The following CHCHD3 variants were observed in gnomAD, a reference collection of about 807,000 sequenced individuals.
CHCHD3 encodes coiled-coil-helix-coiled-coil-helix domain containing 3.
CHCHD3 carries 20 observed loss-of-function variants against 38.2 expected under a neutral mutation model. The observed-to-expected ratio is 0.52, with a 90% CI of 0.37 to 0.76. The LOEUF (loss-of-function observed/expected upper bound fraction) is 0.76, where lower values mean the gene tolerates loss of function less well. CHCHD3 is among the 30% of genes least tolerant of loss of function. The pLI is 0.00. For synonymous variants in CHCHD3, 82 were observed against 100.0 expected, an observed-to-expected ratio of 0.82 and a Z score of 1.07; for missense variants, 245 against 279.2, an observed-to-expected ratio of 0.88 and a Z score of 0.87.
chr7:132,973,677 C>A (rs1238125290), intron 4 of CHCHD3: 2 of 1,025,086 alleles, frequency 2.0e-6, no homozygotes, highest in South Asian at 3.7e-5. Context: ...ACTGAAGAAA[C>A]TGATTCATTA....
rs572343885 is a variant in CHCHD3 at position 132,980,532 on chromosome 7, T to C, written c.252-5246A>G. On this transcript the variant is annotated intron_variant, in intron 3 of 7. Transcript: ENST00000262570. ...AGTTTCAAGCAAAGAAGTAGGAGTT[T>C]AGTGTAAACTTTTCTTGTTTGCATT... Among the ~76,000 whole-genome samples, 118 of 152,324 alleles carry C rather than the reference T, an allele frequency of 7.7e-4. 1 individual carries two copies. The highest frequency in any genetic ancestry group is 6.8e-3 in the Middle Eastern group (2 of 294).
At chr7:132,883,521 C>T (rs1809125252) in intron 5 of CHCHD3, among the ~76,000 whole-genome samples, 1 of 152,150 alleles carries the variant, frequency 6.6e-6, no homozygotes, top group South Asian at 2.1e-4. Flanking sequence ...GGCCCAGTAC[C>T]TGTTTTTGGT....
At chr7:132,947,545 C>G (rs1810928411) in intron 4 of CHCHD3, among the ~76,000 whole-genome samples, 1 of 151,910 alleles carries the variant, frequency 6.6e-6, no homozygotes, top group Non-Finnish European at 1.5e-5. Context: ...GTTTAAAATT[C>G]TCTTTTAATA....
At chr7:132,850,883 CCTA>C (rs1191882028) in intron 5 of CHCHD3, among the ~76,000 whole-genome samples, 1 of 152,088 alleles carries the variant, frequency 6.6e-6, no homozygotes, top group East Asian at 1.9e-4. Context: ...TCTCTAAAGC[CCTA>C]TATTTCTCTG....
chr7:132,973,193 A>G (rs998616235), intron 4 of CHCHD3: 1 of 985,416 alleles, frequency 1.0e-6, no homozygotes, highest in Non-Finnish European at 1.2e-6. Flanking sequence ...TGCTTCAAAG[A>G]TAAGATTCAA....
chr7:132,799,881 A>G (rs916553771), intron 6 of CHCHD3, among the ~76,000 whole-genome samples: 2 of 152,000 alleles, frequency 1.3e-5, no homozygotes, highest in African/African-American at 4.8e-5. Flanking sequence ...CTCCACAAGC[A>G]CTAGCAGCCC....
intron 3 of CHCHD3, among the ~76,000 whole-genome samples, chr7:133,002,746 T>C (rs898932786): frequency 2.6e-5 from 4 of 152,176 alleles, no homozygotes; most frequent in African/African-American, 9.7e-5. Flanking sequence ...TTATCAAATA[T>C]CTATAGAACC....
In CHCHD3 at chr7:132,785,528, G is replaced by A; in HGVS notation, c.*109C>T. On this transcript the variant is annotated 3_prime_UTR_variant, in exon 8 of 8. Coordinates refer to ENST00000262570, the MANE Select transcript of CHCHD3 (RefSeq NM_017812.4). ...CCATTCTTGATGTCTCTCTTTAGTG[G>A]TCTTCTCATTAGTGGTCTTCTCTTC... 1 of 1,033,614 alleles carries A rather than the reference G, an allele frequency of 9.7e-7. No homozygotes were observed. The highest frequency in any genetic ancestry group is 1.3e-5 in the South Asian group (1 of 74,856). The allele number at this position is 1,033,614 out of a possible 1,614,324, so 64.0% of individuals were successfully genotyped here.
intron 2 of CHCHD3, chr7:133,036,136 C>T: frequency 1.7e-6 from 1 of 589,984 alleles, no homozygotes. Flanking sequence ...CCAACTCTCA[C>T]CCCATGACCC....
intron 1 of CHCHD3, among the ~76,000 whole-genome samples, chr7:133,074,971 C>T (rs1298910637): frequency 6.6e-6 from 1 of 152,130 alleles, no homozygotes; most frequent in Non-Finnish European, 1.5e-5. Flanking sequence ...TCAACTGGGT[C>T]TGAGCTTGTA....
intron 5 of CHCHD3, among the ~76,000 whole-genome samples, chr7:132,854,674 G>C (rs530534941): frequency 3.9e-5 from 6 of 152,140 alleles, no homozygotes; most frequent in Non-Finnish European, 8.8e-5. Flanking sequence ...CATTTGTTAA[G>C]TGGGTCAATG....
chr7:132,966,833 G>A (rs929855532), intron 4 of CHCHD3, among the ~76,000 whole-genome samples: 1 of 152,154 alleles, frequency 6.6e-6, no homozygotes, highest in African/African-American at 2.4e-5. Flanking sequence ...CTTTTAATTT[G>A]TTGCAGGTTA....
At chr7:132,855,215 C>T (rs1311403844) in intron 5 of CHCHD3, among the ~76,000 whole-genome samples, 1 of 152,096 alleles carries the variant, frequency 6.6e-6, no homozygotes, top group Admixed American at 6.5e-5. Flanking sequence ...TAGATGGTAC[C>T]CTACAGAGTA....
intron 5 of CHCHD3, among the ~76,000 whole-genome samples, chr7:132,848,610 T>A (rs918111085): frequency 2.2e-4 from 33 of 152,216 alleles, no homozygotes; most frequent in African/African-American, 6.8e-4. Context: ...TGGTTTTTTT[T>A]AATCAGTAAT....
At chr7:132,852,065 G>C (rs1008354720) in intron 5 of CHCHD3, among the ~76,000 whole-genome samples, 1 of 152,018 alleles carries the variant, frequency 6.6e-6, no homozygotes, top group Non-Finnish European at 1.5e-5. Flanking sequence ...ACAAACATTA[G>C]CTCCTTTAAC....
chr7:132,989,205 T>C (rs930512221), intron 3 of CHCHD3, among the ~76,000 whole-genome samples: 3 of 152,208 alleles, frequency 2.0e-5, no homozygotes, highest in Admixed American at 6.5e-5. Context: ...GTCCTGGTTC[T>C]GAATAAAACC....
Position 132,932,850 on chromosome 7 carries a change from TC to T in CHCHD3, c.369+42318del, listed in dbSNP as rs1422143577. ...TAAAATCTAAGGACCTCAAAATCATTCCCCATGAGGCCCTTCATCTAACAAC... is the reference window on the plus strand; with the variant it reads ...TAAAATCTAAGGACCTCAAAATCATTCCCATGAGGCCCTTCATCTAACAAC... On this transcript the variant is annotated intron_variant, in intron 4 of 7. Transcript: ENST00000262570. Among the ~76,000 whole-genome samples, 4 of 152,136 alleles carry T rather than the reference TC, an allele frequency of 2.6e-5. No individual in the cohort carries two copies. The East Asian group carries it at 7.7e-4, about 29-fold the overall frequency.
chr7:132,791,944 G>T (rs1424732003), intron 7 of CHCHD3, among the ~76,000 whole-genome samples: 1 of 152,170 alleles, frequency 6.6e-6, no homozygotes, highest in Non-Finnish European at 1.5e-5. Context: ...CTGAGGTGGG[G>T]CTGTCTCATT....
At chr7:132,795,796 G>A in intron 7 of CHCHD3, among the ~76,000 whole-genome samples, 1 of 152,184 alleles carries the variant, frequency 6.6e-6, no homozygotes, top group East Asian at 1.9e-4. Context: ...TTGATAATTT[G>A]CTTCAGGGTT....
Sources: allele counts gnomAD v4.1 joint callset (sites outside exome capture counted in the v4.1 genomes callset), GRCh38; gene constraint gnomAD v4.1.1; transcripts MANE v1.5; gene names NCBI Gene and HGNC (gene_info 2026-07-23, HGNC 2026-07-21).